SPRY3: variants seen among roughly 807,000 people sequenced by gnomAD.
SPRY3 encodes sprouty RTK signaling antagonist 3, also known as protein sprouty homolog 3.
A neutral mutation model predicts 20.2 loss-of-function variants in SPRY3; 15 were observed. The observed-to-expected ratio is 0.74, with a 90% CI of 0.50 to 1.14. The LOEUF is 1.14. SPRY3 is among the 50% of genes most tolerant of loss of function. The probability of loss-of-function intolerance (pLI) is 0.00; values close to 1 mark genes in which losing one functional copy is unlikely to be tolerated. For missense variants in SPRY3, 364 were observed against 363.9 expected (o/e 1.00, Z 0.00); for synonymous variants, 143 against 136.5 (o/e 1.05, Z -0.33).
intron 1 of SPRY3, among the ~76,000 whole-genome samples, chrX:155,619,458 T>A (rs1226583043): frequency 9.0e-6 from 1 of 110,886 alleles, no homozygotes; most frequent in African/African-American, 3.3e-5. Context: ...TACCAATGCC[T>A]TTGAACAGGG....
At position 155,653,995 on chromosome X, in the gene SPRY3, A is replaced by G. The variant is rs147239199; in HGVS notation, c.-440-2872A>G. On this transcript the variant is annotated intron_variant, in intron 1 of 3. Coordinates refer to ENST00000675360, the Ensembl canonical transcript of SPRY3. ...AAACAATGTCAGATCCCACAGGTTA[A>G]GGGCTCAACCCTGCAATACTGTGTA... 4.4e-3 allele frequency among the ~76,000 whole-genome samples: 490 copies of G among 111,974 alleles called. 5 individuals carry two copies. Among genetic ancestry groups the G allele is most frequent in the Non-Finnish European group, 6.2e-3 (329 of 53,086 alleles).
At chrX:155,762,533 A>C (rs977688924) in intron 2 of SPRY3, among the ~76,000 whole-genome samples, 10 of 152,196 alleles carry the variant, frequency 6.6e-5, no homozygotes, top group African/African-American at 2.4e-4. Flanking sequence ...ACAGAGAGAA[A>C]GGTTAAATAG....
intron 2 of SPRY3, among the ~76,000 whole-genome samples, chrX:155,757,550 T>C (rs1201761816): frequency 1.3e-5 from 2 of 152,116 alleles, no homozygotes; most frequent in Non-Finnish European, 2.9e-5. Flanking sequence ...GAGATGTAGA[T>C]TTGGTATTTT....
chrX:155,620,944 T>G (rs1249780944), intron 1 of SPRY3, among the ~76,000 whole-genome samples: 1 of 111,893 alleles, frequency 8.9e-6, no homozygotes, highest in Non-Finnish European at 1.9e-5. Flanking sequence ...CAACCAAAAA[T>G]TCACTGCACA....
At chrX:155,624,913 A>G (rs987666778) in intron 1 of SPRY3, among the ~76,000 whole-genome samples, 5 of 111,711 alleles carry the variant, frequency 4.5e-5, no homozygotes, top group South Asian at 3.7e-4. Context: ...GGCTACTGGC[A>G]AGAAAGTTAC....
At chrX:155,740,634 G>T (rs1240329129) in intron 2 of SPRY3, among the ~76,000 whole-genome samples, 1 of 152,052 alleles carries the variant, frequency 6.6e-6, no homozygotes, top group Non-Finnish European at 1.5e-5. Flanking sequence ...AGGTCAGACC[G>T]GTTCTCTGCT....
chrX:155,728,091 T>C (rs772820687), intron 2 of SPRY3, among the ~76,000 whole-genome samples: 1 of 152,236 alleles, frequency 6.6e-6, no homozygotes, highest in Admixed American at 6.5e-5. Flanking sequence ...GGAGGTCCAC[T>C]CCAGAACCTG....
intron 2 of SPRY3, among the ~76,000 whole-genome samples, chrX:155,751,923 G>A (rs768753042): frequency 1.1e-5 from 1 of 87,728 alleles, no homozygotes; most frequent in Non-Finnish European, 3.0e-5. Flanking sequence ...GCAAGGGAAG[G>A]GAAATAAAAT....
At chrX:155,695,646 T>A (rs982831429) in intron 2 of SPRY3, among the ~76,000 whole-genome samples, 2 of 111,096 alleles carry the variant, frequency 1.8e-5, no homozygotes, top group African/African-American at 6.5e-5. Flanking sequence ...ATCTGTTCAT[T>A]TTAAAATATT....
chrX:155,689,755 T>A (rs1208826006), intron 2 of SPRY3, among the ~76,000 whole-genome samples: 1 of 81,368 alleles, frequency 1.2e-5, no homozygotes, highest in African/African-American at 6.0e-5. Context: ...TTTATTGATT[T>A]AAAAAAAAAA....
chrX:155,665,103 T>C (rs781825659), intron 2 of SPRY3, among the ~76,000 whole-genome samples: 1 of 109,988 alleles, frequency 9.1e-6, no homozygotes, highest in Admixed American at 9.7e-5. Flanking sequence ...AATCAGCAGT[T>C]ACTAGAGGAA....
rs781984529 is a variant in SPRY3 at position 155,655,952 on chromosome X, T to A, written c.-440-915T>A. ...TTGGCCCCCACTCTCTTCTGGCTTGTTGCATTTCTCCAGAGACATTCACTG... is the reference window on the plus strand; with the variant it reads ...TTGGCCCCCACTCTCTTCTGGCTTGATGCATTTCTCCAGAGACATTCACTG... On this transcript the variant is annotated intron_variant, in intron 1 of 3. Transcript: ENST00000675360. Among the ~76,000 whole-genome samples, 6 of 112,416 alleles carry A rather than the reference T, an allele frequency of 5.3e-5. No homozygotes were observed. The South Asian group carries it at 2.2e-3, about 41-fold the overall frequency.
chrX:155,654,762 A>T (rs1193970026), intron 1 of SPRY3, among the ~76,000 whole-genome samples: 1 of 106,660 alleles, frequency 9.4e-6, no homozygotes, highest in African/African-American at 3.4e-5. Context: ...TTATCTAATC[A>T]TCTGTTTATG....
intron 2 of SPRY3, among the ~76,000 whole-genome samples, chrX:155,748,648 C>G (rs1402654138): frequency 6.6e-6 from 1 of 151,754 alleles, no homozygotes; most frequent in African/African-American, 2.4e-5. Flanking sequence ...ACACTGAAGG[C>G]TATCATATTG....
intron 2 of SPRY3, among the ~76,000 whole-genome samples, chrX:155,731,441 A>G (rs2091131323): frequency 6.6e-6 from 1 of 152,122 alleles, no homozygotes; most frequent in South Asian, 2.1e-4. Flanking sequence ...TGATGCTGGG[A>G]AAACTGGATA....
intron 2 of SPRY3, among the ~76,000 whole-genome samples, chrX:155,667,879 T>C (rs2068029272): frequency 1.8e-5 from 2 of 111,458 alleles, no homozygotes; most frequent in South Asian, 3.7e-4. Context: ...AACATAATTA[T>C]TCATCAAGAA....
chrX:155,652,064 T>C (rs1452935893), intron 1 of SPRY3, among the ~76,000 whole-genome samples: 2 of 110,579 alleles, frequency 1.8e-5, no homozygotes, highest in Non-Finnish European at 3.8e-5. Flanking sequence ...GTAGAGGTGC[T>C]ACACACTTTT....
chrX:155,716,314 T>A (rs1378041843), intron 2 of SPRY3, among the ~76,000 whole-genome samples: 1 of 152,192 alleles, frequency 6.6e-6, no homozygotes, highest in Non-Finnish European at 1.5e-5. Context: ...CTATACTTTT[T>A]ATTTTGTTCT....
chrX:155,728,494 TTAAC>T (rs200001148), intron 2 of SPRY3, among the ~76,000 whole-genome samples: 1,228 of 152,292 alleles, frequency 8.1e-3, no homozygotes, highest in Middle Eastern at 0.017. Flanking sequence ...GTCGCTTTGT[TTAAC>T]TATTCAAGCC....
Sources: gnomAD v4.1 joint callset for allele counts (sites outside exome capture counted in the v4.1 genomes callset) on GRCh38, gnomAD v4.1.1 for gene constraint, MANE v1.5 for transcripts, NCBI Gene and HGNC (gene_info 2026-07-23, HGNC 2026-07-21) for gene names.